The following RASGRF1 variants were observed in gnomAD, a reference collection of about 807,000 sequenced individuals.
RASGRF1 encodes the protein ras-specific guanine nucleotide-releasing factor 1.
In RASGRF1, 40 loss-of-function variants were observed where a neutral mutation model predicts 138.7. The observed-to-expected ratio is 0.29, with a 90% CI of 0.22 to 0.38. RASGRF1 has a LOEUF of 0.38. Among genes scored for constraint, RASGRF1 ranks in the 10% least tolerant of loss-of-function variants. The pLI, the probability that RASGRF1 is intolerant of heterozygous loss-of-function variation, is 1.00. For synonymous variants in RASGRF1, 614 were observed against 663.2 expected (o/e 0.93, Z 1.14); for missense variants, 1,108 against 1,650.4 (o/e 0.67, Z 5.69).
At chr15:79,039,296 CAAAAAAAAAAAAAAA>C (rs71148587) in intron 5 of RASGRF1, among the ~76,000 whole-genome samples, 4 of 50,404 alleles carry the variant, frequency 7.9e-5, no homozygotes, top group Admixed American at 2.7e-4. Flanking sequence ...GACCCTGTCT[CAAAAAAAAAAAAAAA>C]AAAAAAAAAA....
At chr15:79,020,160 G>C (rs2056940518) in intron 10 of RASGRF1, 56 bp from the exon 11 acceptor site, 1 of 1,545,000 alleles carries the variant, frequency 6.5e-7, no homozygotes, top group Non-Finnish European at 8.9e-7. Flanking sequence ...GCTGGTTTAG[G>C]AGTCCCTGGA....
At position 79,049,605 on chromosome 15, in the gene RASGRF1, G is replaced by A. The variant is rs772274689; in HGVS notation, c.532-17C>T. On this transcript the variant is annotated splice_polypyrimidine_tract_variant and intron_variant, in intron 3 of 26. Transcript: ENST00000558480. ...GGATGTGATCTGCAACAGCAACACA[G>A]GTCAGCCTGTGAGGGGCGCTGGCTC... 1.2e-6 allele frequency: 2 copies of A among 1,606,920 alleles called. No individual in the cohort carries two copies.
chr15:79,062,998 C>T (rs2057628948), intron 2 of RASGRF1, among the ~76,000 whole-genome samples: 1 of 152,108 alleles, frequency 6.6e-6, no homozygotes, highest in Non-Finnish European at 1.5e-5. Flanking sequence ...CAATCTAACC[C>T]ATTAAGTCTG....
intron 20 of RASGRF1, among the ~76,000 whole-genome samples, chr15:78,995,024 C>T (rs1291193508): frequency 6.6e-6 from 1 of 151,392 alleles, no homozygotes; most frequent in Non-Finnish European, 1.5e-5. Flanking sequence ...CCCTCCTATG[C>T]TCAAGCAGTC....
At chr15:79,017,690 CT>C in intron 12 of RASGRF1, 79 bp downstream of exon 12, 4 of 1,470,410 alleles carry the variant, frequency 2.7e-6, no homozygotes, top group Non-Finnish European at 3.6e-6. Flanking sequence ...CCCCCACCCC[CT>C]ACCTGCCACC....
chr15:79,009,822 T>C (rs934354603), intron 13 of RASGRF1, among the ~76,000 whole-genome samples: 6 of 151,802 alleles, frequency 4.0e-5, no homozygotes, highest in Admixed American at 6.6e-5. Context: ...CCTCCCGGGT[T>C]CAAGTGATTC....
At chr15:79,055,197 G>C (rs2141042361) in intron 3 of RASGRF1, among the ~76,000 whole-genome samples, 1 of 152,276 alleles carries the variant, frequency 6.6e-6, no homozygotes, top group South Asian at 2.1e-4. Context: ...AATAGTCTAA[G>C]ACCCTGGGCC....
chr15:79,055,018 A>G (rs2057491957), intron 3 of RASGRF1, among the ~76,000 whole-genome samples: 2 of 152,086 alleles, frequency 1.3e-5, no homozygotes, highest in Non-Finnish European at 2.9e-5. Context: ...TCATTCCTGA[A>G]TATGTACTCT....
At chr15:79,079,081 C>G (rs1218745711) in intron 1 of RASGRF1, among the ~76,000 whole-genome samples, 1 of 152,218 alleles carries the variant, frequency 6.6e-6, no homozygotes, top group African/African-American at 2.4e-5. Context: ...GCCTGGGGGC[C>G]CATGTCAGTG....
At chr15:78,988,030 C>G (rs1190068201) in intron 22 of RASGRF1, among the ~76,000 whole-genome samples, 1 of 152,194 alleles carries the variant, frequency 6.6e-6, no homozygotes, top group Non-Finnish European at 1.5e-5. Context: ...CATTGTTGTG[C>G]CAGCACACAT....
At chr15:78,990,565 G>A (rs527901456) in intron 21 of RASGRF1, among the ~76,000 whole-genome samples, 103 of 151,140 alleles carry the variant, frequency 6.8e-4, no homozygotes, top group Non-Finnish European at 1.3e-3. Flanking sequence ...GCTGAAATAA[G>A]GTGTGGGAAG....
rs373383933 is a variant in RASGRF1, at chr15:79,004,251, G to A, written c.2076-76C>T. 5.4e-6 allele frequency: 8 copies of A among 1,482,092 alleles called. No individual in the cohort carries two copies. In the African/African-American group the frequency reaches 9.8e-5, roughly 18 times the overall value. The allele number at this position is 1,482,092 out of a possible 1,614,324, so 91.8% of individuals were successfully genotyped here. A position where few individuals can be genotyped will look rare whatever the true frequency, so the allele number is the denominator to read the frequency against. ...CGCCTAGGCCTGGGGGCCGTCTCCG[G>A]TGGGGCTCGGAGTGGCAGCAACGGC... On this transcript the variant is annotated intron_variant, in intron 14 of 26. Transcript: ENST00000558480.
chr15:79,075,590 C>G lies in RASGRF1; in HGVS notation c.277-11064G>C, dbSNP rs577395314. On this transcript the variant is annotated intron_variant, in intron 1 of 26. Transcript: ENST00000558480. ...CCTGCCTCTCCCAACTGACCAGCAG[C>G]CCCTACAGCCTCTCCACTGAACACA... is the stretch of plus-strand genomic sequence containing the variant. 5.3e-5 allele frequency among the ~76,000 whole-genome samples: 8 copies of G among 152,374 alleles called. No homozygotes were observed. The East Asian group carries it at 1.5e-3, about 29-fold the overall frequency.
intron 1 of RASGRF1, among the ~76,000 whole-genome samples, chr15:79,088,027 A>C (rs1398193660): frequency 5.9e-5 from 9 of 152,212 alleles, no homozygotes; most frequent in Admixed American, 5.9e-4. Flanking sequence ...TTAGTTTTGC[A>C]CTGATGTTCC....
Position 79,027,958 on chromosome 15 carries a change from G to A in RASGRF1, c.1263-99C>T, listed in dbSNP as rs2057084017. On this transcript the variant is annotated intron_variant, in intron 8 of 26. Coordinates refer to ENST00000558480, the MANE Select transcript of RASGRF1 (RefSeq NM_001145648.3). The surrounding 1 kb of genome is among the most constrained non-coding windows in gnomAD (Gnocchi z 4.8). Reference sequence around the variant, plus strand: ...CTGGCCAGACCTAGGAAGAAAGCCTGGCACAAGGATTCTCAGGTGGAGTCT... The same window carrying A: ...CTGGCCAGACCTAGGAAGAAAGCCTAGCACAAGGATTCTCAGGTGGAGTCT... 4.1e-6 allele frequency: 5 copies of A among 1,214,690 alleles called. No homozygotes were observed. The highest frequency in any genetic ancestry group is 6.0e-6 in the Non-Finnish European group (5 of 835,202). The allele number at this position is 1,214,690 out of a possible 1,614,324, so 75.2% of individuals were successfully genotyped here.
At chr15:79,081,449 C>G (rs1595976951) in intron 1 of RASGRF1, among the ~76,000 whole-genome samples, 1 of 152,334 alleles carries the variant, frequency 6.6e-6, no homozygotes, top group East Asian at 1.9e-4. Flanking sequence ...TCCTAACACA[C>G]AGATCGGAGC....
At chr15:79,062,102 A>G (rs1019364860) in intron 2 of RASGRF1, among the ~76,000 whole-genome samples, 20 of 152,222 alleles carry the variant, frequency 1.3e-4, no homozygotes, top group Non-Finnish European at 1.5e-4. Flanking sequence ...ACTCTACTCT[A>G]TAAGTATTGG....
Position 79,050,307 on chromosome 15 carries a change from A to G in RASGRF1, c.532-719T>C, listed in dbSNP as rs201871690. On this transcript the variant is annotated intron_variant, in intron 3 of 26. Coordinates refer to ENST00000558480, the MANE Select transcript of RASGRF1 (RefSeq NM_001145648.3). This position sits in a 1 kb window ranked among gnomAD's most constrained non-coding sequence, Gnocchi z 4.1. Reference sequence around the variant, plus strand: ...TGCATAATGTCCTCAAGTTTCTTCCATGTTGCAGCGTGGGTCAATTTCCTT... The same window carrying G: ...TGCATAATGTCCTCAAGTTTCTTCCGTGTTGCAGCGTGGGTCAATTTCCTT... Among the ~76,000 whole-genome samples the G allele has an allele frequency of 6.6e-6, 1 of 152,190 alleles. No individual in the cohort carries two copies. Among genetic ancestry groups the G allele is most frequent in the East Asian group, 1.9e-4 (1 of 5,190 alleles).
At chr15:79,074,316 G>A (rs2057803003) in intron 1 of RASGRF1, among the ~76,000 whole-genome samples, 1 of 152,224 alleles carries the variant, frequency 6.6e-6, no homozygotes, top group Non-Finnish European at 1.5e-5. Context: ...TGGGGAAATT[G>A]GGCTGAGGCT....
Sources: gnomAD v4.1 joint callset for allele counts (sites outside exome capture counted in the v4.1 genomes callset) on GRCh38, gnomAD v4.1.1 for gene constraint, Gnocchi (gnomAD v3.1) non-coding constraint, MANE v1.5 for transcripts, NCBI Gene and HGNC (gene_info 2026-07-23, HGNC 2026-07-21) for gene names.